ABHD2: variants seen among roughly 807,000 people sequenced by gnomAD.
ABHD2 encodes monoacylglycerol lipase ABHD2.
In ABHD2, 20 loss-of-function variants were observed where a neutral mutation model predicts 48.1. The observed-to-expected ratio is 0.42, with a 90% CI of 0.29 to 0.60. The LOEUF is 0.60. Ranked by LOEUF, ABHD2 falls within the 20% of genes least tolerant of loss-of-function variation. The pLI, the probability that ABHD2 is intolerant of heterozygous loss-of-function variation, is 0.24. For synonymous variants in ABHD2, 209 were observed against 214.2 expected (o/e 0.98, Z 0.21); for missense variants, 405 against 550.9 (o/e 0.74, Z 2.65).
the ABHD2 span, among the ~76,000 whole-genome samples, chr15:89,053,460 G>A: frequency 6.6e-6 from 1 of 152,222 alleles, no homozygotes; most frequent in African/African-American, 2.4e-5. Flanking sequence ...AGAAACAAAG[G>A]CAGCCAACTG....
chr15:89,053,510 G>A, the ABHD2 span, among the ~76,000 whole-genome samples: 156 of 152,302 alleles, frequency 1.0e-3, no homozygotes, highest in Middle Eastern at 6.8e-3. Context: ...TGGGGCCAGC[G>A]CTGTGACCAA....
Position 89,108,058 on chromosome 15 carries a change from C to T in ABHD2, c.-106-5667C>T, listed in dbSNP as rs184045806. Among the ~76,000 whole-genome samples, 322 of 152,266 alleles carry T rather than the reference C, an allele frequency of 2.1e-3. 1 individual carries two copies. Among genetic ancestry groups the T allele is most frequent in the African/African-American group, 7.4e-3 (306 of 41,550 alleles). On this transcript the variant is annotated intron_variant, in intron 1 of 10. Coordinates refer to ENST00000352732, the MANE Select transcript of ABHD2 (RefSeq NM_152924.5). The stretch of plus-strand genomic sequence containing the variant: ...GTGGGTGTTCATGTCAGTTAGCTGT[C>T]ATCTGAATTGATGGGAGCGTGTCTG...
chr15:89,194,360 G>A (rs920048145), intron 10 of ABHD2, among the ~76,000 whole-genome samples: 4 of 151,932 alleles, frequency 2.6e-5, no homozygotes, highest in Middle Eastern at 3.2e-3. Context: ...TTAGCCAGGC[G>A]TGGTGGTACA....
At chr15:89,083,979 A>G (rs1901317345), upstream of ABHD2, among the ~76,000 whole-genome samples, 3 of 152,160 alleles carry the variant, frequency 2.0e-5, no homozygotes, top group African/African-American at 7.2e-5. The surrounding 1 kb of genome is among the most constrained non-coding windows in gnomAD (Gnocchi z 5.1). Flanking sequence ...ATAAAGCCAC[A>G]ATATTGGATC....
In ABHD2 at chr15:89,121,413, C is replaced by T. The variant is rs1050605275; in HGVS notation, c.194+4892C>T. Among the ~76,000 whole-genome samples, 6 of 150,944 alleles carry T rather than the reference C, an allele frequency of 4.0e-5. 1 individual carries two copies. The highest frequency in any genetic ancestry group is 8.8e-5 in the Non-Finnish European group (6 of 67,846). On this transcript the variant is annotated intron_variant, in intron 3 of 10. Coordinates refer to ENST00000352732, the MANE Select transcript of ABHD2 (RefSeq NM_152924.5). ...GTGTGCTTGTCTTCTTCTAACTATT[C>T]CCAGCCCCCGTACTCCTGGACAGGC...
In ABHD2 at chr15:89,186,277, C is replaced by T. The variant is rs1012456346; in HGVS notation, c.815+761C>T. Among the ~76,000 whole-genome samples the T allele has an allele frequency of 1.3e-5, 2 of 152,202 alleles. No homozygotes were observed. The highest frequency in any genetic ancestry group is 3.2e-3 in the Middle Eastern group (1 of 316). ...GCCTCTCCTTATTCTTCATGCTTGT[C>T]CTGCCTCTCCGCCTCGTAATCCTGT... On this transcript the variant is annotated intron_variant, in intron 7 of 10. Transcript: ENST00000352732. This position sits in a 1 kb window ranked among gnomAD's most constrained non-coding sequence, Gnocchi z 4.3.
rs78007948 is a variant in ABHD2, at chr15:89,100,211, G to A, written c.-107+11648G>A. 3.8e-3 allele frequency among the ~76,000 whole-genome samples: 574 copies of A among 152,146 alleles called. 2 individuals carry two copies. The highest frequency in any genetic ancestry group is 0.013 in the African/African-American group (528 of 41,500). On this transcript the variant is annotated intron_variant, in intron 1 of 10. Transcript: ENST00000352732. The surrounding 1 kb of genome is among the most constrained non-coding windows in gnomAD (Gnocchi z 4.4). ...TTTGGCTCTGGACTGGGATCTTCCA[G>A]CCTTGGTGAATGAAGTCTCTCCTTT...
the ABHD2 span, among the ~76,000 whole-genome samples, chr15:89,077,089 G>A: frequency 6.6e-6 from 1 of 152,224 alleles, no homozygotes; most frequent in Admixed American, 6.5e-5. Flanking sequence ...ACACACCTGT[G>A]TAACCACCAC....
intron 5 of ABHD2, among the ~76,000 whole-genome samples, chr15:89,159,923 A>G (rs967681925): frequency 6.6e-6 from 1 of 152,232 alleles, no homozygotes; most frequent in Non-Finnish European, 1.5e-5. Context: ...TGTGTGTATC[A>G]GTACATGTTT....
upstream of ABHD2, chr15:89,087,936 T>C (rs995957736): frequency 6.6e-6 from 1 of 152,030 alleles, no homozygotes; most frequent in African/African-American, 2.4e-5. This position sits in a 1 kb window ranked among gnomAD's most constrained non-coding sequence, Gnocchi z 5.5. Context: ...ACCTCAAATT[T>C]CACCCCTGCG....
At chr15:89,170,847 G>A (rs1368646976) in intron 5 of ABHD2, among the ~76,000 whole-genome samples, 2 of 152,166 alleles carry the variant, frequency 1.3e-5, no homozygotes, top group Non-Finnish European at 2.9e-5. Context: ...GCCGGGCGCG[G>A]TGGCTCACAC....
At position 89,151,017 on chromosome 15, in the gene ABHD2, C is replaced by T. The variant is rs1256783742; in HGVS notation, c.195-660C>T. 6.6e-6 allele frequency among the ~76,000 whole-genome samples: 1 copy of T among 152,268 alleles called. No homozygotes were observed. Among genetic ancestry groups the T allele is most frequent in the African/African-American group, 2.4e-5 (1 of 41,466 alleles). On this transcript the variant is annotated intron_variant, in intron 3 of 10. Transcript: ENST00000352732. The surrounding 1 kb of genome is among the most constrained non-coding windows in gnomAD (Gnocchi z 4.7). ...AGTCACTCTGTGTTTTTACAATGCACCGTTGTTAGCGAGGCTTCATGCCTT... is the reference window on the plus strand; with the variant it reads ...AGTCACTCTGTGTTTTTACAATGCATCGTTGTTAGCGAGGCTTCATGCCTT...
chr15:89,051,466 T>A, the ABHD2 span, among the ~76,000 whole-genome samples: 2 of 152,100 alleles, frequency 1.3e-5, no homozygotes, highest in African/African-American at 4.8e-5. Flanking sequence ...AAGGATACAA[T>A]GGCTCAAGGG....
At chr15:89,109,920 A>C (rs574688403) in intron 1 of ABHD2, among the ~76,000 whole-genome samples, 1 of 152,304 alleles carries the variant, frequency 6.6e-6, no homozygotes, top group South Asian at 2.1e-4. Flanking sequence ...GTCTGATATA[A>C]AATGACATAG....
chr15:89,081,109 C>T, the ABHD2 span, among the ~76,000 whole-genome samples: 3 of 151,576 alleles, frequency 2.0e-5, 1 homozygote, highest in African/African-American at 7.3e-5. Context: ...AAATGATCCT[C>T]CTACCTCAGC....
chr15:89,140,642 A>G (rs2050387620), intron 3 of ABHD2, among the ~76,000 whole-genome samples: 1 of 152,134 alleles, frequency 6.6e-6, no homozygotes, highest in Non-Finnish European at 1.5e-5. Flanking sequence ...CCCTTCTGCC[A>G]GCTTCTCCAT....
At position 89,155,217 on chromosome 15, in the gene ABHD2, C is replaced by A; in HGVS notation, c.371-150C>A. On this transcript the variant is annotated intron_variant, in intron 4 of 10. Coordinates refer to ENST00000352732, the MANE Select transcript of ABHD2 (RefSeq NM_152924.5). The surrounding 1 kb of genome is among the most constrained non-coding windows in gnomAD (Gnocchi z 4.9). ...GAAGCACTGATATAGACAGCTCCAG[C>A]TAGAAGGGAAAAATTCTTCCCCAGA... is the stretch of plus-strand genomic sequence containing the variant. 1.2e-6 allele frequency: 1 copy of A among 827,122 alleles called. No individual in the cohort carries two copies. Among genetic ancestry groups the A allele is most frequent in the Non-Finnish European group, 1.9e-6 (1 of 538,480 alleles). 51.2% of individuals were successfully genotyped at this position (827,122 alleles called of 1,614,324 possible). A position where few individuals can be genotyped will look rare whatever the true frequency, so the allele number is the denominator to read the frequency against.
Position 89,185,362 on chromosome 15 carries a change from C to T in ABHD2, c.723-62C>T. ...CACCTCACCCCATGGCTAGAGCCCC[C>T]TCCTGGCTGCCCGCCTGCACCCCCA... On this transcript the variant is annotated intron_variant, in intron 6 of 10. Transcript: ENST00000352732. The surrounding 1 kb of genome is among the most constrained non-coding windows in gnomAD (Gnocchi z 5.9). The T allele has an allele frequency of 7.1e-7, 1 of 1,408,964 alleles. No homozygotes were observed. Among genetic ancestry groups the T allele is most frequent in the Non-Finnish European group, 1.0e-6 (1 of 998,080 alleles). The allele number at this position is 1,408,964 out of a possible 1,614,324, so 87.3% of individuals were successfully genotyped here. A position where few individuals can be genotyped will look rare whatever the true frequency, so the allele number is the denominator to read the frequency against.
chr15:89,170,119 C>T (rs186871047), intron 5 of ABHD2, among the ~76,000 whole-genome samples: 802 of 54,904 alleles, frequency 0.015, 6 homozygotes, highest in African/African-American at 0.055. Flanking sequence ...TTTTTGGAGA[C>T]GGGGTCTCAC....
Sources: allele counts gnomAD v4.1 joint callset (sites outside exome capture counted in the v4.1 genomes callset), GRCh38; gene constraint gnomAD v4.1.1; non-coding constraint Gnocchi (gnomAD v3.1); transcripts MANE v1.5; gene names NCBI Gene and HGNC (gene_info 2026-07-23, HGNC 2026-07-21).